Variants in SPATA22 observed in about 807,000 individuals in gnomAD.
SPATA22 encodes spermatogenesis-associated protein 22.
Under a neutral mutation model 47.8 loss-of-function variants are expected in SPATA22, and 29 were observed. That is an observed-to-expected ratio of 0.61 (90% CI 0.45 to 0.83). The LOEUF (loss-of-function observed/expected upper bound fraction) is 0.83. Ranked by LOEUF, SPATA22 falls within the 40% of genes least tolerant of loss-of-function variation. The probability of loss-of-function intolerance (pLI) is 0.00; values close to 1 mark genes in which losing one functional copy is unlikely to be tolerated. For synonymous variants in SPATA22, 133 were observed against 140.9 expected (o/e 0.94, Z 0.40); for missense variants, 410 against 421.7 (o/e 0.97, Z 0.24).
At chr17:3,442,606 T>C (rs1255030108) in intron 8 of SPATA22, among the ~76,000 whole-genome samples, 1 of 151,958 alleles carries the variant, frequency 6.6e-6, no homozygotes, top group East Asian at 1.9e-4. Flanking sequence ...CCCTTACCCC[T>C]AACAGTTCCT....
chr17:3,490,391 A>G lies in SPATA22; in HGVS notation c.-73-20993T>C, dbSNP rs1466225418. ...AAAAGTTTACTTTAAAATGGAAAAT[A>G]GTTGCTTAAAATCAAAGAGACATTC... On this transcript the variant is annotated intron_variant, in intron 1 of 8. Coordinates refer to the SPATA22 transcript ENST00000541913. This position sits in a 1 kb window ranked among gnomAD's most constrained non-coding sequence, Gnocchi z 4.6. Among the ~76,000 whole-genome samples, 1 of 152,234 alleles carries G rather than the reference A, an allele frequency of 6.6e-6. No individual in the cohort carries two copies. The highest frequency in any genetic ancestry group is 6.5e-5 in the Admixed American group (1 of 15,288).
intron 8 of SPATA22, chr17:3,440,783 C>A (rs1272237080): frequency 6.6e-6 from 1 of 152,628 alleles, no homozygotes; most frequent in Non-Finnish European, 1.5e-5. Flanking sequence ...TTACAGAGAC[C>A]CCCTCACACC....
chr17:3,505,827 C>A lies in SPATA22; in HGVS notation c.-74+7585G>T, dbSNP rs9908616. On this transcript the variant is annotated intron_variant, in intron 1 of 8. Coordinates refer to the SPATA22 transcript ENST00000541913. ...GGCTGCAGTACAGTGGCATGATCTCCGCTCACTGTAGCCTCTGCCTCCCGG... is the reference window on the plus strand; with the variant it reads ...GGCTGCAGTACAGTGGCATGATCTCAGCTCACTGTAGCCTCTGCCTCCCGG... Among the ~76,000 whole-genome samples the A allele has an allele frequency of 2.7e-3, 411 of 150,932 alleles. 6 individuals carry two copies. The highest frequency in any genetic ancestry group is 0.017 in the South Asian group (82 of 4,780).
intron 1 of SPATA22, among the ~76,000 whole-genome samples, chr17:3,492,022 G>A (rs1283506047): frequency 4.6e-5 from 7 of 151,772 alleles, no homozygotes; most frequent in South Asian, 4.2e-4. Flanking sequence ...GACTACAGGC[G>A]TGCACCACCA....
At chr17:3,467,666 ATATACT>A (rs2073346751) in intron 2 of SPATA22, 112 bp from the exon 3 acceptor site, 2 of 721,140 alleles carry the variant, frequency 2.8e-6, no homozygotes, top group Non-Finnish European at 4.0e-6. Flanking sequence ...CTATATGCTA[ATATACT>A]TATAGATTTC....
intron 1 of SPATA22, among the ~76,000 whole-genome samples, chr17:3,480,234 G>C (rs572697827): frequency 6.6e-6 from 1 of 152,194 alleles, no homozygotes; most frequent in Non-Finnish European, 1.5e-5. Context: ...TGCCCAGACA[G>C]AGCTGATTTA....
In SPATA22 at chr17:3,490,316, C is replaced by T. The variant is rs2073802847; in HGVS notation, c.-73-20918G>A. Among the ~76,000 whole-genome samples, 1 of 152,128 alleles carries T rather than the reference C, an allele frequency of 6.6e-6. No individual in the cohort carries two copies. Among genetic ancestry groups the T allele is most frequent in the African/African-American group, 2.4e-5 (1 of 41,396 alleles). On this transcript the variant is annotated intron_variant, in intron 1 of 8. Transcript: ENST00000541913. This position sits in a 1 kb window ranked among gnomAD's most constrained non-coding sequence, Gnocchi z 4.6. ...TATGCAGCTCTATGCACTATCTGCT[C>T]ATTTATTTGGTAAATCTAAAACTGC...
At chr17:3,480,789 G>A (rs2150745936) in intron 1 of SPATA22, among the ~76,000 whole-genome samples, 1 of 152,318 alleles carries the variant, frequency 6.6e-6, no homozygotes, top group East Asian at 1.9e-4. Context: ...TCCTCCCAAA[G>A]TTAGTTCAGT....
chr17:3,471,393 C>A, intron 1 of SPATA22: 1 of 981,828 alleles, frequency 1.0e-6, no homozygotes, highest in Non-Finnish European at 1.2e-6. Context: ...ATTCCACCCG[C>A]GGGACCATTG....
intron 8 of SPATA22, 85 bp from the exon 9 acceptor site, chr17:3,440,423 C>CT (rs551665649): frequency 1.4e-4 from 154 of 1,122,526 alleles, no homozygotes; most frequent in African/African-American, 1.1e-3. Flanking sequence ...ATCAACTAAA[C>CT]ATGTGCCACC....
intron 7 of SPATA22, 21 bp from the exon 8 acceptor site, chr17:3,443,292 G>A (rs763002343): frequency 2.0e-6 from 3 of 1,529,846 alleles, no homozygotes; most frequent in Non-Finnish European, 1.8e-6. Flanking sequence ...TTGAAATGGG[G>A]GAAAAAATGA....
intron 5 of SPATA22, among the ~76,000 whole-genome samples, chr17:3,457,231 T>C: frequency 6.6e-6 from 1 of 151,780 alleles, no homozygotes; most frequent in African/African-American, 2.4e-5. Flanking sequence ...ATAAAGGGTA[T>C]TCAATTAGGA....
chr17:3,506,038 G>A (rs567170817), intron 1 of SPATA22, among the ~76,000 whole-genome samples: 3 of 152,238 alleles, frequency 2.0e-5, no homozygotes, highest in Non-Finnish European at 2.9e-5. Context: ...GATTACAGGC[G>A]TGAGCCACCA....
At position 3,440,256 on chromosome 17, in the gene SPATA22, C is replaced by A. The variant is rs2072567268; in HGVS notation, c.983G>T (p.Cys328Phe). The change falls in exon 9 of 9, where the codon TGT (cysteine) becomes TTT (phenylalanine). Residue 328 changes from cysteine (C) to phenylalanine (F), a missense_variant. Coordinates refer to ENST00000572969, the MANE Select transcript of SPATA22 (RefSeq NM_001170698.2). Reference protein sequence around the residue: ...NYDQKKNIFQCVSVRPASVSE... With the variant: ...NYDQKKNIFQFVSVRPASVSE... ...AACAGACGCCGGTCTGACAGAAACACATTGGAAAATGTTCTTTTTCTGGTC... is the reference window on the plus strand; with the variant it reads ...AACAGACGCCGGTCTGACAGAAACAAATTGGAAAATGTTCTTTTTCTGGTC... The A allele has an allele frequency of 6.2e-7, 1 of 1,611,544 alleles. No individual in the cohort carries two copies. The highest frequency in any genetic ancestry group is 2.2e-5 in the East Asian group (1 of 44,770).
chr17:3,504,368 AATGG>A, intron 1 of SPATA22, among the ~76,000 whole-genome samples: 1 of 151,958 alleles, frequency 6.6e-6, no homozygotes, highest in East Asian at 1.9e-4. Context: ...ATCTTCCACC[AATGG>A]CCCTGCCTTT....
chr17:3,481,462 T>C (rs1035497923), intron 1 of SPATA22: 1 of 715,812 alleles, frequency 1.4e-6, no homozygotes, highest in African/African-American at 1.8e-5. Flanking sequence ...ATATAAACAT[T>C]TCAGGTAAGT....
intron 5 of SPATA22, among the ~76,000 whole-genome samples, chr17:3,450,521 T>C (rs1485052204): frequency 1.3e-5 from 2 of 152,212 alleles, no homozygotes; most frequent in African/African-American, 4.8e-5. Context: ...ACAATAATTT[T>C]GTAATTTTTT....
chr17:3,494,338 T>C (rs1388281070), intron 1 of SPATA22: 2 of 1,581,926 alleles, frequency 1.3e-6, no homozygotes, highest in South Asian at 1.1e-5. Flanking sequence ...ATACATATTG[T>C]TTTTGTCATA....
chr17:3,465,502 A>C (rs561634249), intron 3 of SPATA22, among the ~76,000 whole-genome samples: 104 of 152,074 alleles, frequency 6.8e-4, no homozygotes, highest in African/African-American at 2.4e-3. Flanking sequence ...GCTCTCTCAA[A>C]CATGTGCTGT....
Sources: allele counts gnomAD v4.1 joint callset (sites outside exome capture counted in the v4.1 genomes callset), GRCh38; gene constraint gnomAD v4.1.1; non-coding constraint Gnocchi (gnomAD v3.1); transcripts MANE v1.5; gene names NCBI Gene and HGNC (gene_info 2026-07-23, HGNC 2026-07-21).